The following TMEM117 variants were observed in gnomAD, a reference collection of about 807,000 sequenced individuals.
The protein encoded by TMEM117 is transmembrane protein 117.
Under a neutral mutation model 52.4 loss-of-function variants are expected in TMEM117, and 27 were observed. The ratio of observed to expected loss-of-function variants is 0.51; its 90% CI spans 0.38 to 0.71. The LOEUF is 0.71. TMEM117 is among the 30% of genes least tolerant of loss of function. The probability of loss-of-function intolerance (pLI) is 0.00; values close to 1 mark genes in which losing one functional copy is unlikely to be tolerated. For missense variants in TMEM117, 556 were observed against 630.5 expected (o/e 0.88, Z 1.26); for synonymous variants, 215 against 206.3 (o/e 1.04, Z -0.36).
chr12:44,311,057 G>T (rs993936167), intron 6 of TMEM117, among the ~76,000 whole-genome samples: 6 of 152,038 alleles, frequency 3.9e-5, no homozygotes, highest in Non-Finnish European at 8.8e-5. Context: ...AAGATGTTTG[G>T]GGAATTGTTC....
intron 2 of TMEM117, among the ~76,000 whole-genome samples, chr12:43,915,192 G>T (rs1944580761): frequency 6.6e-6 from 1 of 152,150 alleles, no homozygotes. Flanking sequence ...TTGGAGGGAG[G>T]CTTGGCCACC....
intron 3 of TMEM117, among the ~76,000 whole-genome samples, chr12:43,997,090 A>T (rs1401591738): frequency 6.6e-6 from 1 of 152,170 alleles, no homozygotes; most frequent in African/African-American, 2.4e-5. Flanking sequence ...AAATGTTCTA[A>T]TACATTTGCT....
intron 6 of TMEM117, among the ~76,000 whole-genome samples, chr12:44,347,609 C>T (rs1951505545): frequency 6.6e-6 from 1 of 152,104 alleles, no homozygotes; most frequent in African/African-American, 2.4e-5. Flanking sequence ...CACTGTTCCC[C>T]CAATAATTTA....
intron 2 of TMEM117, among the ~76,000 whole-genome samples, chr12:43,863,877 T>G (rs1675783): frequency 6.6e-6 from 1 of 152,066 alleles, no homozygotes; most frequent in African/African-American, 2.4e-5. Flanking sequence ...CTGGCTCCCT[T>G]GGCTTGCAGG....
At chr12:44,020,549 G>C (rs750024723) in intron 3 of TMEM117, among the ~76,000 whole-genome samples, 4 of 152,128 alleles carry the variant, frequency 2.6e-5, no homozygotes, top group African/African-American at 4.8e-5. Context: ...ATTATCATTT[G>C]TGCCTTTTAA....
At chr12:43,930,920 G>A (rs1281945952) in intron 2 of TMEM117, among the ~76,000 whole-genome samples, 1 of 152,172 alleles carries the variant, frequency 6.6e-6, no homozygotes, top group Non-Finnish European at 1.5e-5. Context: ...AAGAGATAGA[G>A]CTGGGTGTGT....
At chr12:44,202,378 G>C in intron 4 of TMEM117, among the ~76,000 whole-genome samples, 1 of 149,990 alleles carries the variant, frequency 6.7e-6, no homozygotes, top group East Asian at 1.9e-4. Flanking sequence ...AGCCATTTCT[G>C]CATCTATTAA....
chr12:43,935,127 A>G (rs1029059349), intron 2 of TMEM117, among the ~76,000 whole-genome samples: 13 of 151,962 alleles, frequency 8.6e-5, no homozygotes, highest in Admixed American at 3.3e-4. Flanking sequence ...TCCCACCTCA[A>G]TCTCTGGAGT....
intron 2 of TMEM117, among the ~76,000 whole-genome samples, chr12:43,857,937 C>G (rs2137389977): frequency 6.6e-6 from 1 of 152,252 alleles, no homozygotes; most frequent in East Asian, 1.9e-4. Flanking sequence ...GATATGGTAA[C>G]TATGTTGCCC....
intron 3 of TMEM117, among the ~76,000 whole-genome samples, chr12:43,992,519 T>C (rs569434647): frequency 6.6e-6 from 1 of 152,302 alleles, no homozygotes; most frequent in South Asian, 2.1e-4. Flanking sequence ...GTTCAAGCAA[T>C]CCTTCCATCT....
intron 2 of TMEM117, among the ~76,000 whole-genome samples, chr12:43,888,440 A>G (rs1376918405): frequency 6.6e-6 from 1 of 152,024 alleles, no homozygotes; most frequent in Non-Finnish European, 1.5e-5. Flanking sequence ...TGAATTGCTT[A>G]TGGAAAAGCA....
intron 3 of TMEM117, among the ~76,000 whole-genome samples, chr12:44,097,809 T>C (rs909859296): frequency 6.6e-6 from 1 of 150,866 alleles, no homozygotes; most frequent in African/African-American, 2.5e-5. Context: ...TGTATACATA[T>C]GTAACAAACC....
chr12:44,221,824 G>A (rs1040049816), intron 5 of TMEM117, among the ~76,000 whole-genome samples: 12 of 151,808 alleles, frequency 7.9e-5, no homozygotes, highest in East Asian at 1.9e-4. Flanking sequence ...TCAGCCTCCC[G>A]AGTAGCTGCG....
rs140380649 is a variant in TMEM117, at chr12:44,266,501, T to C, written c.609-33079T>C. On this transcript the variant is annotated intron_variant, in intron 5 of 7. Transcript: ENST00000266534. ...TTTTTATGGTTGAGTTGTAAGAGTT[T>C]TTATATATTCTGCATATAAGGCACA... 1.2e-3 allele frequency among the ~76,000 whole-genome samples: 188 copies of C among 152,280 alleles called. 1 individual carries two copies. The highest frequency in any genetic ancestry group is 4.0e-3 in the African/African-American group (168 of 41,574).
At chr12:43,797,107 C>T in the TMEM117 span, 9 of 1,572,386 alleles carry the variant, frequency 5.7e-6, no homozygotes, top group Non-Finnish European at 6.9e-6. Context: ...ACTGTAAGTT[C>T]AAATAATAAC....
At chr12:44,056,978 G>A (rs950242412) in intron 3 of TMEM117, among the ~76,000 whole-genome samples, 1 of 152,148 alleles carries the variant, frequency 6.6e-6, no homozygotes, top group South Asian at 2.1e-4. Flanking sequence ...ATCACAGCAA[G>A]TCTCATGCCT....
intron 3 of TMEM117, among the ~76,000 whole-genome samples, chr12:43,991,471 A>G (rs942623673): frequency 3.6e-4 from 54 of 149,856 alleles, no homozygotes; most frequent in African/African-American, 1.1e-3. Context: ...CTATCTATCT[A>G]TCTAATCTAT....
At chr12:44,014,852 A>C (rs1361413103) in intron 3 of TMEM117, among the ~76,000 whole-genome samples, 1 of 150,090 alleles carries the variant, frequency 6.7e-6, no homozygotes, top group Non-Finnish European at 1.5e-5. Context: ...TTTTTTTTCT[A>C]TGTTCTGTGA....
At chr12:43,932,792 A>G (rs539628084) in intron 2 of TMEM117, among the ~76,000 whole-genome samples, 18 of 152,244 alleles carry the variant, frequency 1.2e-4, no homozygotes, top group Non-Finnish European at 2.2e-4. Flanking sequence ...GTAAATCTAT[A>G]AATGGAATGG....
Sources: allele counts gnomAD v4.1 joint callset (sites outside exome capture counted in the v4.1 genomes callset), GRCh38; gene constraint gnomAD v4.1.1; transcripts MANE v1.5; gene names NCBI Gene and HGNC (gene_info 2026-07-23, HGNC 2026-07-21).